The following JPH1 variants were observed in gnomAD, a reference collection of about 807,000 sequenced individuals.
The protein encoded by JPH1 is junctophilin 1, also known as junctophilin-1.
In JPH1, 12 loss-of-function variants were observed where a neutral mutation model predicts 53.6. The observed-to-expected ratio is 0.22, with a 90% CI of 0.14 to 0.36. The LOEUF (loss-of-function observed/expected upper bound fraction) is 0.36. Among genes scored for constraint, JPH1 ranks in the 10% least tolerant of loss-of-function variants. The pLI, the probability that JPH1 is intolerant of heterozygous loss-of-function variation, is 1.00. For missense variants in JPH1, 808 were observed against 905.5 expected (o/e 0.89, Z 1.38); for synonymous variants, 375 against 363.8 (o/e 1.03, Z -0.35).
At chr8:74,319,501 T>C (rs556467436) in intron 1 of JPH1, among the ~76,000 whole-genome samples, 1 of 152,322 alleles carries the variant, frequency 6.6e-6, no homozygotes, top group Non-Finnish European at 1.5e-5. Flanking sequence ...CAGCCCCACA[T>C]AAAACTATTA....
chr8:74,241,126 T>C (rs1239409680), intron 4 of JPH1, among the ~76,000 whole-genome samples: 1 of 152,140 alleles, frequency 6.6e-6, no homozygotes, highest in Non-Finnish European at 1.5e-5. Flanking sequence ...CACACATATA[T>C]ATTTATCCTA....
chr8:74,311,162 G>A (rs1807983521), intron 2 of JPH1, among the ~76,000 whole-genome samples: 1 of 152,158 alleles, frequency 6.6e-6, no homozygotes, highest in African/African-American at 2.4e-5. Context: ...TACCTGGGTG[G>A]ACAAACTGAA....
chr8:74,240,140 T>C (rs1418659060), intron 4 of JPH1, among the ~76,000 whole-genome samples: 2 of 151,906 alleles, frequency 1.3e-5, no homozygotes, highest in Non-Finnish European at 2.9e-5. Flanking sequence ...CCCAGCTAAC[T>C]TTTATATTTT....
intron 2 of JPH1, among the ~76,000 whole-genome samples, chr8:74,305,344 C>T (rs537894723): frequency 6.6e-6 from 1 of 152,342 alleles, no homozygotes; most frequent in South Asian, 2.1e-4. Flanking sequence ...CTGCCACTTG[C>T]TTAAAAACAG....
chr8:74,240,125 C>T (rs1001832333), intron 4 of JPH1, among the ~76,000 whole-genome samples: 6 of 152,022 alleles, frequency 3.9e-5, no homozygotes, highest in East Asian at 1.9e-4. Context: ...GTGTTCACTA[C>T]GATGCCCAGC....
chr8:74,284,360 T>C (rs947016631), intron 2 of JPH1, among the ~76,000 whole-genome samples: 3 of 152,174 alleles, frequency 2.0e-5, no homozygotes, highest in East Asian at 1.9e-4. Flanking sequence ...AGTTAAGGAA[T>C]TGTGGAGAGA....
At chr8:74,254,517 C>T (rs1331914926) in intron 3 of JPH1, among the ~76,000 whole-genome samples, 1 of 152,030 alleles carries the variant, frequency 6.6e-6, no homozygotes, top group Non-Finnish European at 1.5e-5. Context: ...CACTCCTATT[C>T]AACATAGTGT....
rs1433663662 is a variant in JPH1 at position 74,315,210 on chromosome 8, A to G, written c.790T>C (p.Cys264Arg). 1 of 1,614,228 alleles carries G rather than the reference A, an allele frequency of 6.2e-7. No homozygotes were observed. The highest frequency in any genetic ancestry group is 8.5e-7 in the Non-Finnish European group (1 of 1,180,046). ...TGGTCTTCCACCGGGCAAAAATCAC[A>G]ATCTACATCGCCAAAGCTGATCGTG... is the stretch of plus-strand genomic sequence containing the variant. ...NSTISFGDVD[C>R]DFCPVEDHVD... is the part of the protein sequence containing the mutation. The change falls in exon 2 of 6, where the codon TGT (cysteine) becomes CGT (arginine). Residue 264 changes from cysteine to arginine, a missense_variant. By Grantham distance (180) the Cys-to-Arg change is radical (BLOSUM62 -3). Around this residue, in one of 2 missense-constraint regions of JPH1, gnomAD observed 756 missense variants for 811.9 expected, o/e 0.93. Transcript: ENST00000342232. The surrounding 1 kb of genome is among the most constrained non-coding windows in gnomAD (Gnocchi z 6.3).
rs1319546590 is a variant in JPH1, at chr8:74,237,935, T to G, written c.1906-632A>C. Among the ~76,000 whole-genome samples the G allele has an allele frequency of 5.3e-5, 8 of 152,218 alleles. No individual in the cohort carries two copies. In the East Asian group the frequency reaches 1.5e-3, roughly 29 times the overall value. ...ACAACATTTCAGAAATGAAGTTATA[T>G]TTTACAAACTATGGGATCCTATTTT... On this transcript the variant is annotated intron_variant, in intron 4 of 5. Coordinates refer to ENST00000342232, the MANE Select transcript of JPH1 (RefSeq NM_020647.4).
intron 2 of JPH1, among the ~76,000 whole-genome samples, chr8:74,293,382 C>T (rs1807397475): frequency 6.6e-6 from 1 of 152,172 alleles, no homozygotes; most frequent in Admixed American, 6.5e-5. Context: ...GTTCCAAACA[C>T]TTAACACACA....
At chr8:74,290,455 A>T (rs182058474) in intron 2 of JPH1, among the ~76,000 whole-genome samples, 2,244 of 152,300 alleles carry the variant, frequency 0.015, 26 homozygotes, top group Middle Eastern at 0.027. Flanking sequence ...GAAGAACTAC[A>T]AACCACTGCT....
At chr8:74,274,340 C>T (rs561594408) in intron 2 of JPH1, among the ~76,000 whole-genome samples, 29 of 152,266 alleles carry the variant, frequency 1.9e-4, no homozygotes, top group African/African-American at 6.3e-4. Context: ...CTTTCTGGCT[C>T]CAGCTGAGCA....
At chr8:74,258,712 G>A (rs1806306094) in intron 3 of JPH1, among the ~76,000 whole-genome samples, 1 of 152,062 alleles carries the variant, frequency 6.6e-6, no homozygotes, top group African/African-American at 2.4e-5. Context: ...TCTGAATTTG[G>A]GGGTATTTGT....
intron 4 of JPH1, among the ~76,000 whole-genome samples, chr8:74,239,642 A>G (rs995624776): frequency 3.3e-5 from 5 of 152,122 alleles, no homozygotes; most frequent in South Asian, 2.1e-4. Flanking sequence ...GAGATTAAGG[A>G]AATATTATTA....
At chr8:74,265,311 G>A (rs1012475) in intron 2 of JPH1, among the ~76,000 whole-genome samples, 1,670 of 152,178 alleles carry the variant, frequency 0.011, 15 homozygotes, top group East Asian at 0.027. Flanking sequence ...CATTTTTTAA[G>A]CTTGGAAAAT....
chr8:74,246,812 C>G (rs1805874928), intron 3 of JPH1, among the ~76,000 whole-genome samples: 1 of 152,190 alleles, frequency 6.6e-6, no homozygotes, highest in African/African-American at 2.4e-5. Context: ...CAAGATCGCA[C>G]ATGGACAATT....
intron 2 of JPH1, among the ~76,000 whole-genome samples, chr8:74,272,610 T>G (rs2131408092): frequency 6.7e-6 from 1 of 149,190 alleles, no homozygotes; most frequent in African/African-American, 2.5e-5. Flanking sequence ...CTTTTTTTTT[T>G]TTTTTTTTTT....
At chr8:74,271,251 C>T (rs981884557) in intron 2 of JPH1, among the ~76,000 whole-genome samples, 3 of 151,970 alleles carry the variant, frequency 2.0e-5, no homozygotes, top group Admixed American at 6.6e-5. Flanking sequence ...CCCACCAACA[C>T]CCCAGGCCCA....
chr8:74,267,721 T>G (rs541123165), intron 2 of JPH1, among the ~76,000 whole-genome samples: 1 of 152,302 alleles, frequency 6.6e-6, no homozygotes, highest in South Asian at 2.1e-4. Flanking sequence ...GAAATCTGGA[T>G]AGTAACCAGA....
Sources: gnomAD v4.1 joint callset for allele counts (sites outside exome capture counted in the v4.1 genomes callset) on GRCh38, gnomAD v4.1.1 for gene constraint, gnomAD v4.1.1 regional missense constraint, Gnocchi (gnomAD v3.1) non-coding constraint, MANE v1.5 for transcripts, NCBI Gene and HGNC (gene_info 2026-07-23, HGNC 2026-07-21) for gene names.